The following JAZF1 variants were observed in gnomAD, a reference collection of about 807,000 sequenced individuals.
JAZF1 encodes JAZF zinc finger 1, also known as juxtaposed with another zinc finger protein 1.
Under a neutral mutation model 26.4 loss-of-function variants are expected in JAZF1, and 8 were observed. The ratio of observed to expected loss-of-function variants is 0.30; its 90% CI spans 0.18 to 0.55. JAZF1 has a LOEUF of 0.55. Ranked by LOEUF, JAZF1 falls within the 20% of genes least tolerant of loss-of-function variation. The probability of loss-of-function intolerance (pLI) is 0.94; values close to 1 mark genes in which losing one functional copy is unlikely to be tolerated. For missense variants in JAZF1, 199 were observed against 322.0 expected (o/e 0.62, Z 2.92); for synonymous variants, 126 against 122.3 (o/e 1.03, Z -0.20).
chr7:27,967,780 C>T (rs993163696), intron 2 of JAZF1, among the ~76,000 whole-genome samples: 1 of 152,162 alleles, frequency 6.6e-6, no homozygotes, highest in African/African-American at 2.4e-5. Flanking sequence ...TATACAACTA[C>T]AAGAATGACT....
At chr7:27,888,134 A>G (rs1783901296) in intron 3 of JAZF1, among the ~76,000 whole-genome samples, 1 of 152,232 alleles carries the variant, frequency 6.6e-6, no homozygotes, top group Non-Finnish European at 1.5e-5. Flanking sequence ...AATGTAAATC[A>G]GATCAATACG....
chr7:27,947,733 C>T (rs1784941189), intron 2 of JAZF1, among the ~76,000 whole-genome samples: 1 of 152,184 alleles, frequency 6.6e-6, no homozygotes, highest in Non-Finnish European at 1.5e-5. Context: ...ATTGCCATCA[C>T]CATCCCCTTC....
intron 1 of JAZF1, among the ~76,000 whole-genome samples, chr7:28,117,496 A>G (rs1784765285): frequency 6.6e-6 from 1 of 152,170 alleles, no homozygotes; most frequent in African/African-American, 2.4e-5. Context: ...GACACTGGTC[A>G]TCATATAAAA....
At chr7:28,047,600 A>G (rs111469411) in intron 1 of JAZF1, among the ~76,000 whole-genome samples, 3 of 152,242 alleles carry the variant, frequency 2.0e-5, no homozygotes, top group African/African-American at 7.2e-5. Flanking sequence ...CTTTCATCCC[A>G]TAATACTATA....
At chr7:28,013,660 G>A (rs902170427) in intron 1 of JAZF1, among the ~76,000 whole-genome samples, 27 of 152,022 alleles carry the variant, frequency 1.8e-4, no homozygotes, top group African/African-American at 6.5e-4. Flanking sequence ...ACATAGTAAC[G>A]GGCTGCAGGA....
At chr7:28,005,137 A>G in intron 1 of JAZF1, among the ~76,000 whole-genome samples, 1 of 152,196 alleles carries the variant, frequency 6.6e-6, no homozygotes, top group Non-Finnish European at 1.5e-5. Flanking sequence ...TGTTCTGACA[A>G]GACCTTTGAC....
At chr7:28,149,488 C>G (rs1783075843) in intron 1 of JAZF1, among the ~76,000 whole-genome samples, 2 of 152,324 alleles carry the variant, frequency 1.3e-5, no homozygotes, top group South Asian at 2.1e-4. Flanking sequence ...CCCAGTCTCT[C>G]TGCTCTATGA....
At chr7:27,867,152 G>A (rs1562771905) in intron 3 of JAZF1, among the ~76,000 whole-genome samples, 4 of 152,150 alleles carry the variant, frequency 2.6e-5, no homozygotes, top group East Asian at 1.9e-4. Context: ...CTACAGACAG[G>A]GTGGATATTT....
At chr7:27,845,512 C>A (rs946920208) in intron 3 of JAZF1, among the ~76,000 whole-genome samples, 4 of 152,026 alleles carry the variant, frequency 2.6e-5, no homozygotes, top group Non-Finnish European at 5.9e-5. Flanking sequence ...GCCTGGCCAA[C>A]ATGGTGAAAC....
intron 1 of JAZF1, among the ~76,000 whole-genome samples, chr7:28,129,928 G>A (rs1285723917): frequency 2.0e-5 from 3 of 151,760 alleles, no homozygotes; most frequent in East Asian, 3.9e-4. Flanking sequence ...TAACACTATC[G>A]GTATCTTTCC....
chr7:27,964,054 C>G (rs892586613), intron 2 of JAZF1, among the ~76,000 whole-genome samples: 4 of 152,188 alleles, frequency 2.6e-5, no homozygotes, highest in African/African-American at 9.6e-5. Context: ...ATTATACCCT[C>G]TTCCTCCAAC....
At chr7:28,148,351 G>A (rs6945537) in intron 1 of JAZF1, among the ~76,000 whole-genome samples, 29,622 of 152,050 alleles carry the variant, frequency 0.19, 3,790 homozygotes, top group African/African-American at 0.34. Context: ...GATTATAGGC[G>A]TGAGCCACCG....
intron 1 of JAZF1, among the ~76,000 whole-genome samples, chr7:28,073,724 A>C (rs139878296): frequency 6.6e-6 from 1 of 152,130 alleles, no homozygotes; most frequent in East Asian, 1.9e-4. Context: ...AGGAGGAAAA[A>C]CCACTCTGTT....
intron 1 of JAZF1, among the ~76,000 whole-genome samples, chr7:28,080,840 A>T (rs1169164074): frequency 6.6e-6 from 1 of 152,192 alleles, no homozygotes; most frequent in Non-Finnish European, 1.5e-5. Flanking sequence ...TAACAATGAA[A>T]TTTAAAATAT....
chr7:27,891,333 AGTT>A (rs530206576), intron 3 of JAZF1, among the ~76,000 whole-genome samples: 11 of 152,322 alleles, frequency 7.2e-5, no homozygotes, highest in African/African-American at 2.4e-4. Flanking sequence ...ACAATGGCAA[AGTT>A]GAGTAGCTGA....
intron 1 of JAZF1, among the ~76,000 whole-genome samples, chr7:28,170,334 GATATGTGT>G (rs1411904627): frequency 3.1e-4 from 32 of 104,332 alleles, no homozygotes; most frequent in African/African-American, 1.1e-3. Context: ...AAGAGAAGTT[GATATGTGT>G]GTGTGTGTGT....
chr7:28,095,079 A>C (rs1318168775), intron 1 of JAZF1, among the ~76,000 whole-genome samples: 1 of 152,108 alleles, frequency 6.6e-6, no homozygotes, highest in Non-Finnish European at 1.5e-5. Flanking sequence ...CACAGCACCA[A>C]AGCCAAACCA....
chr7:28,035,233 G>T (rs1245199402), intron 1 of JAZF1, among the ~76,000 whole-genome samples: 2 of 140,526 alleles, frequency 1.4e-5, no homozygotes, highest in East Asian at 2.2e-4. Context: ...AGAATTGCTT[G>T]AACCCAGGAG....
chr7:28,108,850 C>T (rs539925163), intron 1 of JAZF1, among the ~76,000 whole-genome samples: 5 of 152,234 alleles, frequency 3.3e-5, no homozygotes, highest in African/African-American at 4.8e-5. Context: ...GGTATTCATA[C>T]ACAATGGAAA....
Sources: allele counts gnomAD v4.1 joint callset (sites outside exome capture counted in the v4.1 genomes callset), GRCh38; gene constraint gnomAD v4.1.1; transcripts MANE v1.5; gene names NCBI Gene and HGNC (gene_info 2026-07-23, HGNC 2026-07-21).